The following GPHN variants were observed in gnomAD, a reference collection of about 807,000 sequenced individuals.
GPHN encodes the protein gephyrin.
A neutral mutation model predicts 95.5 loss-of-function variants in GPHN; 17 were observed. The observed-to-expected ratio is 0.18, with a 90% CI of 0.12 to 0.27. GPHN has a LOEUF of 0.27. Among genes scored for constraint, GPHN ranks in the 10% least tolerant of loss-of-function variants. The probability of loss-of-function intolerance (pLI) is 1.00; values close to 1 mark genes in which losing one functional copy is unlikely to be tolerated. For missense variants in GPHN, 660 were observed against 978.1 expected (o/e 0.67, Z 4.34); for synonymous variants, 320 against 322.5 (o/e 0.99, Z 0.08).
the GPHN span, among the ~76,000 whole-genome samples, chr14:67,214,841 T>C: frequency 6.6e-6 from 1 of 152,146 alleles, no homozygotes; most frequent in South Asian, 2.1e-4. Context: ...TTTGATTTCA[T>C]TGAGCAGTGG....
chr14:67,485,333 C>T, the GPHN span, among the ~76,000 whole-genome samples: 1 of 152,226 alleles, frequency 6.6e-6, no homozygotes, highest in African/African-American at 2.4e-5. Context: ...CTCAAGAACA[C>T]ACTTCCTGAG....
the GPHN span, among the ~76,000 whole-genome samples, chr14:67,298,404 A>G: frequency 6.6e-6 from 1 of 151,760 alleles, no homozygotes; most frequent in Non-Finnish European, 1.5e-5. Context: ...AATCCCAGCT[A>G]CTCAGGAGTC....
At chr14:67,124,661 G>A (rs2079194945) in intron 17 of GPHN, among the ~76,000 whole-genome samples, 1 of 152,108 alleles carries the variant, frequency 6.6e-6, no homozygotes, top group South Asian at 2.1e-4. Context: ...AGATTCTTAG[G>A]GTTATTTCCC....
intron 4 of GPHN, among the ~76,000 whole-genome samples, chr14:66,849,536 T>C (rs930946760): frequency 5.3e-5 from 8 of 152,054 alleles, no homozygotes; most frequent in Non-Finnish European, 1.2e-4. Flanking sequence ...TCATTGTTAA[T>C]CTTACCAATC....
At chr14:66,690,611 C>A (rs1001801161) in intron 2 of GPHN, among the ~76,000 whole-genome samples, 1 of 152,012 alleles carries the variant, frequency 6.6e-6, no homozygotes, top group Non-Finnish European at 1.5e-5. Flanking sequence ...TGTTGAAGTC[C>A]CCATCTATTA....
the GPHN span, chr14:67,312,527 A>C: frequency 6.4e-7 from 1 of 1,566,106 alleles, no homozygotes; most frequent in South Asian, 1.3e-5. Flanking sequence ...TATCTTTTAG[A>C]TCCATGTAAA....
chr14:67,226,113 T>C, the GPHN span, among the ~76,000 whole-genome samples: 1 of 152,244 alleles, frequency 6.6e-6, no homozygotes, highest in Non-Finnish European at 1.5e-5. Flanking sequence ...GTGCTCACTC[T>C]TCTGTCCACC....
At chr14:67,120,817 G>A (rs1408903518) in intron 16 of GPHN, among the ~76,000 whole-genome samples, 1 of 152,158 alleles carries the variant, frequency 6.6e-6, no homozygotes, top group Admixed American at 6.5e-5. Flanking sequence ...AATGAAAGTG[G>A]GTTACAATGT....
chr14:67,129,770 GAA>G (rs2079567815), intron 17 of GPHN, among the ~76,000 whole-genome samples: 1 of 125,318 alleles, frequency 8.0e-6, no homozygotes, highest in Non-Finnish European at 1.5e-5. Context: ...AAGAAAGAAA[GAA>G]AGAGAGAAAG....
the GPHN span, among the ~76,000 whole-genome samples, chr14:67,400,211 G>T: frequency 0.2 from 31,176 of 152,114 alleles, 5,042 homozygotes; most frequent in East Asian, 0.49. Context: ...GACAACTAAA[G>T]AACACTTATA....
At chr14:67,537,386 T>G in the GPHN span, among the ~76,000 whole-genome samples, 2 of 101,318 alleles carry the variant, frequency 2.0e-5, no homozygotes, top group Admixed American at 2.0e-4. Context: ...TAATAAAAAC[T>G]TAATCTTAGG....
At chr14:67,642,370 T>G in the GPHN span, 1 of 1,613,220 alleles carries the variant, frequency 6.2e-7, no homozygotes, top group Non-Finnish European at 8.5e-7. Flanking sequence ...ACAGGTAAGC[T>G]GGGAGCCAGG....
chr14:67,571,763 G>A, the GPHN span: 218 of 1,613,964 alleles, frequency 1.4e-4, 1 homozygote, highest in Middle Eastern at 1.3e-3. Context: ...GAGCTACACA[G>A]ATCAGCAACA....
intron 1 of GPHN, among the ~76,000 whole-genome samples, chr14:66,533,005 G>C (rs748952243): frequency 1.3e-5 from 2 of 152,228 alleles, no homozygotes; most frequent in Non-Finnish European, 2.9e-5. Flanking sequence ...GCAGGAACAG[G>C]ATCAGTTAAC....
chr14:66,851,789 A>G (rs1428156332), intron 4 of GPHN, among the ~76,000 whole-genome samples: 1 of 152,192 alleles, frequency 6.6e-6, no homozygotes, highest in African/African-American at 2.4e-5. Flanking sequence ...AAATATAATG[A>G]GACTTGCATT....
chr14:67,204,263 C>T, the GPHN span, among the ~76,000 whole-genome samples: 2 of 152,044 alleles, frequency 1.3e-5, no homozygotes, highest in South Asian at 2.1e-4. Flanking sequence ...ATGGTGAAAC[C>T]TTGTCTCTAC....
At chr14:66,731,810 A>T (rs2071790755) in intron 2 of GPHN, among the ~76,000 whole-genome samples, 1 of 152,188 alleles carries the variant, frequency 6.6e-6, no homozygotes, top group Non-Finnish European at 1.5e-5. Context: ...CTAGGAAGAA[A>T]AAATGGTTTC....
At chr14:66,583,569 G>A (rs1180514043) in intron 1 of GPHN, among the ~76,000 whole-genome samples, 1 of 152,092 alleles carries the variant, frequency 6.6e-6, no homozygotes, top group Non-Finnish European at 1.5e-5. Context: ...TGTATAAGGT[G>A]TAAGGAAGGG....
chr14:67,012,499 A>G (rs1239242658), intron 9 of GPHN, among the ~76,000 whole-genome samples: 2 of 152,128 alleles, frequency 1.3e-5, no homozygotes, highest in African/African-American at 2.4e-5. Context: ...ACCAATTACA[A>G]CAGTCTTCTT....
Sources: gnomAD v4.1 joint callset for allele counts (sites outside exome capture counted in the v4.1 genomes callset) on GRCh38, gnomAD v4.1.1 for gene constraint, MANE v1.5 for transcripts, NCBI Gene and HGNC (gene_info 2026-07-23, HGNC 2026-07-21) for gene names.